Variants in PCLO observed in about 807,000 individuals in gnomAD.
PCLO encodes protein piccolo.
PCLO carries 82 observed loss-of-function variants against 427.5 expected under a neutral mutation model. The ratio of observed to expected loss-of-function variants is 0.19; its 90% CI spans 0.16 to 0.23. The LOEUF is 0.23. Among genes scored for constraint, PCLO ranks in the 10% least tolerant of loss-of-function variants. The pLI, the probability that PCLO is intolerant of heterozygous loss-of-function variation, is 1.00. For synonymous variants in PCLO, 2,357 were observed against 2,155.4 expected (o/e 1.09, Z -2.59); for missense variants, 6,239 against 6,115.9 (o/e 1.02, Z -0.67).
intron 3 of PCLO, among the ~76,000 whole-genome samples, chr7:83,108,120 G>T (rs886255142): frequency 6.6e-6 from 1 of 151,806 alleles, no homozygotes; most frequent in African/African-American, 2.4e-5. Flanking sequence ...AAGTACTACA[G>T]TTTATATAAA....
At chr7:83,040,640 T>C (rs1171416281) in intron 3 of PCLO, among the ~76,000 whole-genome samples, 2 of 152,168 alleles carry the variant, frequency 1.3e-5, no homozygotes, top group Non-Finnish European at 2.9e-5. Flanking sequence ...CCTACATCTC[T>C]AATAAATCTA....
At chr7:82,876,698 CA>C (rs1265039698) in intron 10 of PCLO, among the ~76,000 whole-genome samples, 1 of 151,960 alleles carries the variant, frequency 6.6e-6, no homozygotes, top group African/African-American at 2.4e-5. Flanking sequence ...CATTATTCCC[CA>C]AAATATTTAA....
At chr7:83,044,866 T>C (rs1435503889) in intron 3 of PCLO, among the ~76,000 whole-genome samples, 1 of 152,194 alleles carries the variant, frequency 6.6e-6, no homozygotes, top group Admixed American at 6.5e-5. Flanking sequence ...GAATGTTATT[T>C]GGCTTACTGG....
At chr7:83,098,334 C>T (rs1790646409) in intron 3 of PCLO, among the ~76,000 whole-genome samples, 1 of 152,042 alleles carries the variant, frequency 6.6e-6, no homozygotes, top group South Asian at 2.1e-4. Context: ...GCACTACATA[C>T]AATCATATTT....
intron 21 of PCLO, 92 bp downstream of exon 21, chr7:82,805,596 G>T: frequency 8.4e-7 from 1 of 1,195,266 alleles, no homozygotes; most frequent in Non-Finnish European, 1.2e-6. Flanking sequence ...CTCAGAATTG[G>T]GTAATTATCC....
At position 82,916,853 on chromosome 7, in the gene PCLO, C is replaced by T. The variant is rs1205239098; in HGVS notation, c.11133G>A (p.Met3711Ile). The T allele has an allele frequency of 1.9e-6, 3 of 1,612,854 alleles. No individual in the cohort carries two copies. The highest frequency in any genetic ancestry group is 2.5e-6 in the Non-Finnish European group (3 of 1,179,282). ...EGYTTKGSQT[M>I]TSSGAQKKVK... The stretch of plus-strand genomic sequence containing the variant: ...CTTTTTTCTGGGCTCCAGAGGATGT[C>T]ATGGTTTGAGAACCTTTAGTCTATA... The change falls in exon 7 of 25, where the codon ATG becomes ATA. Residue 3711 changes from methionine (M) to isoleucine (I), a missense_variant. Transcript: ENST00000333891.
rs1316356968 is a variant in PCLO at position 82,889,928 on chromosome 7, G to A, written c.13529-10466C>T. Among the ~76,000 whole-genome samples, 8 of 151,832 alleles carry A rather than the reference G, an allele frequency of 5.3e-5. 1 individual carries two copies. Among genetic ancestry groups the A allele is most frequent in the South Asian group, 4.2e-4 (2 of 4,814 alleles). On this transcript the variant is annotated intron_variant, in intron 9 of 24. Transcript: ENST00000333891. The stretch of plus-strand genomic sequence containing the variant: ...GTGTGTGCACATGTGTGTAAAAAAC[G>A]CAAGAAGTAAAGGAAAAAATAGAAA...
intron 6 of PCLO, among the ~76,000 whole-genome samples, chr7:82,942,648 T>TTG (rs1795111843): frequency 6.6e-6 from 1 of 152,178 alleles, no homozygotes; most frequent in Non-Finnish European, 1.5e-5. Context: ...TTTAAAATAA[T>TTG]ATCTTTCCAA....
intron 10 of PCLO, among the ~76,000 whole-genome samples, chr7:82,855,160 T>C (rs1480374755): frequency 1.3e-5 from 2 of 152,152 alleles, no homozygotes; most frequent in Non-Finnish European, 2.9e-5. Context: ...AATAAAAATA[T>C]TGTTCAAAAG....
At chr7:83,037,999 A>ATATATT (rs1788840727) in intron 3 of PCLO, among the ~76,000 whole-genome samples, 1 of 24,624 alleles carries the variant, frequency 4.1e-5, no homozygotes, top group Non-Finnish European at 6.4e-5. Context: ...TTATATATAT[A>ATATATT]TATATATATA....
intron 6 of PCLO, among the ~76,000 whole-genome samples, chr7:82,941,340 T>C (rs2116383585): frequency 6.6e-6 from 1 of 152,278 alleles, no homozygotes; most frequent in Non-Finnish European, 1.5e-5. Flanking sequence ...AGTAAAAGAC[T>C]CACCTTACCA....
At chr7:83,124,953 G>C (rs995068231) in intron 3 of PCLO, among the ~76,000 whole-genome samples, 3 of 152,072 alleles carry the variant, frequency 2.0e-5, no homozygotes, top group African/African-American at 7.2e-5. Flanking sequence ...ACGCGGTTTC[G>C]CCGTGTTGGC....
intron 3 of PCLO, among the ~76,000 whole-genome samples, chr7:82,999,188 T>A (rs1437000918): frequency 1.4e-5 from 2 of 145,456 alleles, no homozygotes; most frequent in Non-Finnish European, 3.0e-5. Flanking sequence ...GAATAGAATA[T>A]TCCAGAATTG....
intron 9 of PCLO, among the ~76,000 whole-genome samples, chr7:82,900,540 T>C (rs1225036897): frequency 3.3e-5 from 1 of 30,048 alleles, no homozygotes. Context: ...TCTCATTGAT[T>C]TAAATATGGA....
Position 83,134,971 on chromosome 7 carries a change from G to A in PCLO, c.2579C>T (p.Thr860Ile). The change falls in exon 3 of 25, where the codon ACC (threonine) becomes ATC (isoleucine). Residue 860 changes from threonine (T) to isoleucine (I), a missense_variant. Thr to Ile is a moderately conservative substitution (Grantham distance 89). This residue lies in a region of PCLO where 4,677 missense variants were observed against 4,468.4 expected (regional missense o/e 1.05). Transcript: ENST00000333891. ...QKKEEPKKAQ[T>I]KMSPKPDAKP... Reference sequence around the variant, plus strand: ...GGCATCTGGTTTAGGACTCATTTTGGTTTGTGCTTTCTTGGGTTCTTCCTT... The same window carrying A: ...GGCATCTGGTTTAGGACTCATTTTGATTTGTGCTTTCTTGGGTTCTTCCTT... The A allele has an allele frequency of 6.2e-7, 1 of 1,612,748 alleles. No homozygotes were observed. The highest frequency in any genetic ancestry group is 8.5e-7 in the Non-Finnish European group (1 of 1,179,498).
chr7:83,125,473 G>T (rs997894984), intron 3 of PCLO, among the ~76,000 whole-genome samples: 4 of 152,334 alleles, frequency 2.6e-5, no homozygotes, highest in East Asian at 1.9e-4. Flanking sequence ...GGAAAAGAGA[G>T]ATCAGACTGT....
At chr7:83,129,702 T>C (rs1313754453) in intron 3 of PCLO, among the ~76,000 whole-genome samples, 4 of 152,188 alleles carry the variant, frequency 2.6e-5, no homozygotes, top group Admixed American at 2.6e-4. Flanking sequence ...AAGAAAAATG[T>C]GTATAACAAA....
chr7:83,097,366 C>CA (rs1188535727), intron 3 of PCLO, among the ~76,000 whole-genome samples: 2 of 145,058 alleles, frequency 1.4e-5, no homozygotes, highest in East Asian at 4.0e-4. Flanking sequence ...ACTACAAATA[C>CA]AAAAAATTAG....
chr7:83,061,289 G>A (rs1047498277), intron 3 of PCLO, among the ~76,000 whole-genome samples: 1 of 152,082 alleles, frequency 6.6e-6, no homozygotes, highest in Non-Finnish European at 1.5e-5. Flanking sequence ...CCTGCCATGT[G>A]GGTCTCTCTA....
Sources: allele counts gnomAD v4.1 joint callset (sites outside exome capture counted in the v4.1 genomes callset), GRCh38; gene constraint gnomAD v4.1.1; regional missense constraint gnomAD v4.1.1; transcripts MANE v1.5; gene names NCBI Gene and HGNC (gene_info 2026-07-23, HGNC 2026-07-21).